Variants in SMARCA4 observed in about 807,000 individuals in gnomAD.
SMARCA4 encodes the protein SWI/SNF related BAF chromatin remodeling complex subunit ATPase 4.
A neutral mutation model predicts 193.9 loss-of-function variants in SMARCA4; 31 were observed. The ratio of observed to expected loss-of-function variants is 0.16; its 90% confidence interval spans 0.12 to 0.22. The LOEUF (loss-of-function observed/expected upper bound fraction) is 0.22, where lower values mean the gene tolerates loss of function less well. SMARCA4 is among the 10% of genes least tolerant of loss of function. The pLI, the probability that SMARCA4 is intolerant of heterozygous loss-of-function variation, is 1.00. For synonymous variants in SMARCA4, 942 were observed against 933.1 expected, an observed-to-expected ratio of 1.01 and a Z score of -0.17; for missense variants, 1,148 against 2,296.0, an observed-to-expected ratio of 0.50 and a Z score of 10.22.
intron 30 of SMARCA4, among the ~76,000 whole-genome samples, chr19:11,055,820 C>T (rs991493932): frequency 1.3e-5 from 2 of 152,098 alleles, no homozygotes; most frequent in African/African-American, 4.8e-5. Context: ...TCTCAAACTC[C>T]TGGGCTCAAG....
At chr19:10,998,596 G>T (rs1338853814) in intron 11 of SMARCA4, among the ~76,000 whole-genome samples, 1 of 147,324 alleles carries the variant, frequency 6.8e-6, no homozygotes, top group Non-Finnish European at 1.5e-5. Flanking sequence ...TGATTTGTTT[G>T]TTTTTCTATA....
At position 11,021,676 on chromosome 19, in the gene SMARCA4, C is replaced by T. The variant is rs773510670; in HGVS notation, c.2617-49C>T. 1.8e-5 allele frequency: 29 copies of T among 1,568,482 alleles called. 1 individual carries two copies. Among genetic ancestry groups the T allele is most frequent in the South Asian group, 3.5e-5 (3 of 86,356 alleles). ...AGAGTGGGAGATTCTCCCCATGTGCCGGGCCACCTGCTGCCCCCTGCCCTG... is the reference window on the plus strand; with the variant it reads ...AGAGTGGGAGATTCTCCCCATGTGCTGGGCCACCTGCTGCCCCCTGCCCTG... On this transcript the variant is annotated intron_variant, in intron 18 of 34. Transcript: ENST00000344626.
At chr19:11,026,417 T>G in intron 23 of SMARCA4, 71 bp downstream of exon 23, 1 of 1,139,566 alleles carries the variant, frequency 8.8e-7, no homozygotes. Flanking sequence ...TTTGTTGGCT[T>G]TATTGCTGCT....
chr19:11,053,171 C>T (rs10411252), intron 30 of SMARCA4, among the ~76,000 whole-genome samples: 58,748 of 151,886 alleles, frequency 0.39, 12,163 homozygotes, highest in African/African-American at 0.53. Context: ...GAGGCCGAGG[C>T]GGGCGGATCA....
rs2086074252 is a variant in SMARCA4 at position 10,986,678 on chromosome 19, G to A, written c.760+85G>A. 1 of 1,526,910 alleles carries A rather than the reference G, an allele frequency of 6.5e-7. No individual in the cohort carries two copies. Among genetic ancestry groups the A allele is most frequent in the Non-Finnish European group, 8.8e-7 (1 of 1,141,396 alleles). 94.6% of individuals were successfully genotyped at this position (1,526,910 alleles called of 1,614,324 possible). On this transcript the variant is annotated intron_variant, in intron 4 of 34. Transcript: ENST00000344626. This position sits in a 1 kb window ranked among gnomAD's most constrained non-coding sequence, Gnocchi z 6.7. ...CGGGGTGGACAGACCGTGCTCTGTT[G>A]CCGACTGGGTTCCCCGGTTTGGGAT...
At chr19:10,996,669 A>G in intron 11 of SMARCA4, 125 bp downstream of exon 11, 4 of 969,220 alleles carry the variant, frequency 4.1e-6, no homozygotes, top group Non-Finnish European at 6.6e-6. Context: ...TGAGAATCCC[A>G]GGGTGTCCTC....
Position 10,993,945 on chromosome 19 carries a change from A to G in SMARCA4, c.1420-883A>G, listed in dbSNP as rs532086987. 2.6e-5 allele frequency among the ~76,000 whole-genome samples: 4 copies of G among 152,304 alleles called. 1 individual carries two copies. Among genetic ancestry groups the G allele is most frequent in the Admixed American group, 2.6e-4 (4 of 15,294 alleles). ...GCGTGAGCCACCGCGCCCTGCCGCC[A>G]GTGCTGAGTTTTATCATCAGAGAGA... is the stretch of plus-strand genomic sequence containing the variant. On this transcript the variant is annotated intron_variant, in intron 8 of 34. Coordinates refer to ENST00000344626, the MANE Select transcript of SMARCA4 (RefSeq NM_003072.5).
chr19:10,977,399 C>T (rs569767316), intron 1 of SMARCA4, among the ~76,000 whole-genome samples: 1 of 151,574 alleles, frequency 6.6e-6, no homozygotes, highest in Admixed American at 6.6e-5. Context: ...TCTCGGCTCA[C>T]TGCAGCCTCT....
chr19:10,979,310 G>C (rs2085379547), intron 1 of SMARCA4, among the ~76,000 whole-genome samples: 1 of 151,968 alleles, frequency 6.6e-6, no homozygotes, highest in Non-Finnish European at 1.5e-5. Context: ...AGCTTGATTT[G>C]TGCTGGCCAG....
rs1600279092 is a variant in SMARCA4, at chr19:11,021,890, C to T, written c.2782C>T (p.Leu928=). The T allele has an allele frequency of 6.2e-7, 1 of 1,613,864 alleles. No homozygotes were observed. The highest frequency in any genetic ancestry group is 8.5e-7 in the Non-Finnish European group (1 of 1,180,042). ...LPELWALLNF[L]LPTIFKSCST... ...CGAGCTCTGGGCGCTGCTCAACTTC[C>T]TGCTGCCCACCATCTTCAAGAGCTG... Residue 928 remains leucine, a synonymous_variant, in exon 19 of 35, where the codon CTG becomes TTG. Coordinates refer to ENST00000344626, the MANE Select transcript of SMARCA4 (RefSeq NM_003072.5).
chr19:10,974,230 G>GGGT (rs2084917177), intron 1 of SMARCA4, among the ~76,000 whole-genome samples: 1 of 152,146 alleles, frequency 6.6e-6, no homozygotes, highest in Admixed American at 6.6e-5. Flanking sequence ...CAAAAGCTAG[G>GGGT]GGTGGCGTGA....
intron 23 of SMARCA4, 127 bp downstream of exon 23, chr19:11,026,473 G>A: frequency 1.5e-6 from 1 of 652,566 alleles, no homozygotes. Context: ...AAATACAGAA[G>A]AATCCAAAGC....
intron 23 of SMARCA4, among the ~76,000 whole-genome samples, chr19:11,026,745 C>T (rs554181446): frequency 6.6e-6 from 1 of 152,240 alleles, no homozygotes; most frequent in African/African-American, 2.4e-5. Flanking sequence ...GTGATCCACC[C>T]GCCTTGGCCT....
intron 10 of SMARCA4, 29 bp from the exon 11 acceptor site, chr19:10,996,450 AGCCTTGTGGGTCAGG>A: frequency 6.2e-7 from 1 of 1,613,924 alleles, no homozygotes; most frequent in South Asian, 1.1e-5. Flanking sequence ...GTGTGGCCTC[AGCCTTGTGGGTCAGG>A]GCCTGACCGT....
At chr19:11,055,300 C>T (rs2076479467) in intron 30 of SMARCA4, among the ~76,000 whole-genome samples, 1 of 152,158 alleles carries the variant, frequency 6.6e-6, no homozygotes, top group Non-Finnish European at 1.5e-5. Flanking sequence ...GGTGATTCTC[C>T]TGCCTCAGCC....
intron 14 of SMARCA4, among the ~76,000 whole-genome samples, chr19:11,009,408 C>T (rs1338075752): frequency 6.6e-6 from 1 of 152,142 alleles, no homozygotes; most frequent in Non-Finnish European, 1.5e-5. Context: ...CCTGTTCAGT[C>T]TGTGTTTCTT....
intron 32 of SMARCA4, chr19:11,059,129 T>G: frequency 2.1e-6 from 1 of 487,754 alleles, no homozygotes; most frequent in South Asian, 2.6e-5. Context: ...AAAGAAAAAA[T>G]TAAAAATTTC....
Position 10,988,858 on chromosome 19 carries a change from T to C in SMARCA4, c.1119-459T>C, listed in dbSNP as rs181463038. ...GCTCAATGAGTATGTGCAGAAAGAC[T>C]GATTAAGAGAATTAGCCCACATAAC... is the stretch of plus-strand genomic sequence containing the variant. On this transcript the variant is annotated intron_variant, in intron 6 of 34. Coordinates refer to ENST00000344626, the MANE Select transcript of SMARCA4 (RefSeq NM_003072.5). Among the ~76,000 whole-genome samples, 3 of 152,342 alleles carry C rather than the reference T, an allele frequency of 2.0e-5. No homozygotes were observed. In the East Asian group the frequency reaches 5.8e-4, roughly 29 times the overall value.
intron 30 of SMARCA4, among the ~76,000 whole-genome samples, chr19:11,042,211 C>T (rs1179451536): frequency 3.3e-5 from 5 of 152,202 alleles, no homozygotes; most frequent in South Asian, 2.1e-4. Flanking sequence ...GGCCCAGCGG[C>T]GGATCATAAC....
Sources: allele counts gnomAD v4.1 joint callset (sites outside exome capture counted in the v4.1 genomes callset), GRCh38; gene constraint gnomAD v4.1.1; non-coding constraint Gnocchi (gnomAD v3.1); transcripts MANE v1.5; gene names NCBI Gene and HGNC (gene_info 2026-07-23, HGNC 2026-07-21).